SHISA9: variants seen among roughly 807,000 people sequenced by gnomAD.
SHISA9 encodes the protein protein shisa-9.
Under a neutral mutation model 38.0 loss-of-function variants are expected in SHISA9, and 13 were observed. The observed-to-expected ratio is 0.34, with a 90% CI of 0.22 to 0.54. The LOEUF (loss-of-function observed/expected upper bound fraction) is 0.54. SHISA9 is among the 20% of genes least tolerant of loss of function. SHISA9 has a pLI of 0.91. For synonymous variants in SHISA9, 275 were observed against 242.0 expected, an observed-to-expected ratio of 1.14 and a Z score of -1.27; for missense variants, 538 against 575.8, an observed-to-expected ratio of 0.93 and a Z score of 0.67.
the SHISA9 span, among the ~76,000 whole-genome samples, chr16:13,510,043 C>A: frequency 6.6e-6 from 1 of 152,176 alleles, no homozygotes; most frequent in South Asian, 2.1e-4. Flanking sequence ...CAGTGTCTCA[C>A]ACCTGTAGTC....
intron 2 of SHISA9, among the ~76,000 whole-genome samples, chr16:13,093,777 G>T (rs572622787): frequency 6.6e-6 from 1 of 152,250 alleles, no homozygotes; most frequent in South Asian, 2.1e-4. Flanking sequence ...ACTGAGAAGG[G>T]CCTCTCTAAG....
chr16:13,524,965 G>A, the SHISA9 span, among the ~76,000 whole-genome samples: 678 of 152,192 alleles, frequency 4.5e-3, 8 homozygotes, highest in African/African-American at 0.016. Context: ...GTTTCCAGAC[G>A]TTGCTAAATG....
At chr16:13,260,722 C>T in the SHISA9 span, among the ~76,000 whole-genome samples, 1 of 152,154 alleles carries the variant, frequency 6.6e-6, no homozygotes, top group African/African-American at 2.4e-5. Flanking sequence ...CAAACTGTTC[C>T]AACTTCTGCC....
At chr16:13,462,744 C>G in the SHISA9 span, among the ~76,000 whole-genome samples, 1 of 151,890 alleles carries the variant, frequency 6.6e-6, no homozygotes, top group East Asian at 1.9e-4. Flanking sequence ...GGGGGATCAC[C>G]TGAAGTCAGA....
Position 13,116,963 on chromosome 16 carries a change from G to A in SHISA9, c.692-86431G>A, listed in dbSNP as rs2074036348. Among the ~76,000 whole-genome samples the A allele has an allele frequency of 1.3e-5, 2 of 152,058 alleles. 1 individual carries two copies. Among genetic ancestry groups the A allele is most frequent in the African/African-American group, 4.8e-5 (2 of 41,396 alleles). On this transcript the variant is annotated intron_variant, in intron 2 of 4. Transcript: ENST00000558583. ...AGTGGTATTTTAGTTGTGTGATACT[G>A]GAAAGGTTATTTTATTTTATTTTTT...
chr16:13,386,555 C>A, the SHISA9 span, among the ~76,000 whole-genome samples: 1 of 152,308 alleles, frequency 6.6e-6, no homozygotes, highest in East Asian at 1.9e-4. Context: ...TAAATTAATA[C>A]ATATCAGTTT....
chr16:13,292,870 C>T, the SHISA9 span, among the ~76,000 whole-genome samples: 4 of 152,192 alleles, frequency 2.6e-5, no homozygotes, highest in Admixed American at 1.3e-4. Flanking sequence ...TTCCTTGATC[C>T]CAGAAGTCAT....
intron 2 of SHISA9, among the ~76,000 whole-genome samples, chr16:13,061,268 C>G (rs920057141): frequency 5.9e-5 from 9 of 152,168 alleles, no homozygotes; most frequent in Non-Finnish European, 1.0e-4. Context: ...ATACGCCTCA[C>G]ACACGGCGTT....
chr16:13,113,780 T>C (rs1468375925), intron 2 of SHISA9, among the ~76,000 whole-genome samples: 1 of 152,132 alleles, frequency 6.6e-6, no homozygotes, highest in Non-Finnish European at 1.5e-5. Flanking sequence ...ATGAACACAA[T>C]AGAAACTAGA....
the SHISA9 span, among the ~76,000 whole-genome samples, chr16:13,276,497 T>G: frequency 2.0e-5 from 3 of 152,136 alleles, no homozygotes; most frequent in African/African-American, 7.2e-5. Context: ...TCCACACTGT[T>G]TTCCATAGTG....
chr16:13,213,353 T>C (rs1239034917), intron 4 of SHISA9, 53 bp downstream of exon 4: 44 of 1,507,010 alleles, frequency 2.9e-5, no homozygotes, highest in Non-Finnish European at 3.3e-5. Context: ...AAAGTTAGCA[T>C]TAAATAATGA....
rs1567239833 is a variant in SHISA9 at position 13,187,335 on chromosome 16, T to TTCTTTTCTTTTTTC, written c.692-16058_692-16057insCTTTTCTTTTTTCT. Among the ~76,000 whole-genome samples, 203 of 105,974 alleles carry TTCTTTTCTTTTTTC rather than the reference T, an allele frequency of 1.9e-3. 1 individual carries two copies. The highest frequency in any genetic ancestry group is 7.1e-3 in the African/African-American group (194 of 27,164). The allele number at this position is 105,974 out of a possible 152,430, so 69.5% of individuals were successfully genotyped here. A position where few individuals can be genotyped will look rare whatever the true frequency, so the allele number is the denominator to read the frequency against. ...CTTCTTTTCTTTTCTTTTCTTTTTT[T>TTCTTTTCTTTTTTC]TTTTTTTTTTTTTTTTTGAGGCAGA... On this transcript the variant is annotated intron_variant, in intron 2 of 4. Coordinates refer to ENST00000558583, the MANE Select transcript of SHISA9 (RefSeq NM_001145204.3).
At chr16:13,172,655 G>C (rs2050696457) in intron 2 of SHISA9, among the ~76,000 whole-genome samples, 2 of 151,814 alleles carry the variant, frequency 1.3e-5, no homozygotes, top group Middle Eastern at 3.4e-3. Context: ...CAGCAACAAT[G>C]TCAGCCTGGT....
chr16:13,387,300 A>G, the SHISA9 span, among the ~76,000 whole-genome samples: 1 of 152,146 alleles, frequency 6.6e-6, no homozygotes, highest in African/African-American at 2.4e-5. Context: ...GTCATACTAG[A>G]GTAGGGTGGA....
At chr16:13,284,758 G>A in the SHISA9 span, among the ~76,000 whole-genome samples, 12 of 152,050 alleles carry the variant, frequency 7.9e-5, no homozygotes, top group South Asian at 2.1e-4. Context: ...CCACCATGCC[G>A]GGCTAATTTT....
chr16:13,481,505 T>A, the SHISA9 span, among the ~76,000 whole-genome samples: 1 of 152,208 alleles, frequency 6.6e-6, no homozygotes, highest in African/African-American at 2.4e-5. Flanking sequence ...GTGCATCCCC[T>A]CTGCTTCCAC....
the SHISA9 span, among the ~76,000 whole-genome samples, chr16:13,533,907 C>G: frequency 1.9e-3 from 293 of 151,956 alleles, 2 homozygotes; most frequent in African/African-American, 6.8e-3. Context: ...CCTCAGCCTC[C>G]TGAGTAGCTG....
At chr16:13,292,294 GT>G in the SHISA9 span, among the ~76,000 whole-genome samples, 1 of 151,952 alleles carries the variant, frequency 6.6e-6, no homozygotes, top group East Asian at 1.9e-4. Flanking sequence ...CTAACATAGT[GT>G]TTTTAAAATT....
At chr16:13,258,735 T>A in the SHISA9 span, among the ~76,000 whole-genome samples, 2 of 152,198 alleles carry the variant, frequency 1.3e-5, no homozygotes, top group Non-Finnish European at 2.9e-5. Context: ...CAGAAGCCCC[T>A]GATAAACCCA....
Sources: gnomAD v4.1 joint callset for allele counts (sites outside exome capture counted in the v4.1 genomes callset) on GRCh38, gnomAD v4.1.1 for gene constraint, MANE v1.5 for transcripts, NCBI Gene and HGNC (gene_info 2026-07-23, HGNC 2026-07-21) for gene names.